The following ANKRD42 variants were observed in gnomAD, a reference collection of about 807,000 sequenced individuals.
ANKRD42 encodes ankyrin repeat domain 42.
A neutral mutation model predicts 51.5 loss-of-function variants in ANKRD42; 43 were observed. The observed-to-expected ratio is 0.83, with a 90% CI of 0.65 to 1.08. The LOEUF (loss-of-function observed/expected upper bound fraction) is 1.08, where lower values mean the gene tolerates loss of function less well. ANKRD42 is among the 50% of genes least tolerant of loss of function. The pLI, the probability that ANKRD42 is intolerant of heterozygous loss-of-function variation, is 0.00. For synonymous variants in ANKRD42, 203 were observed against 213.0 expected, an observed-to-expected ratio of 0.95 and a Z score of 0.41; for missense variants, 608 against 629.3, an observed-to-expected ratio of 0.97 and a Z score of 0.36.
chr11:83,206,453 T>G (rs1862078966), intron 3 of ANKRD42, among the ~76,000 whole-genome samples: 1 of 152,174 alleles, frequency 6.6e-6, no homozygotes. Context: ...GGTCTGAATG[T>G]TTGTGTCCTC....
intron 3 of ANKRD42, chr11:83,209,326 G>A: frequency 1.1e-6 from 1 of 908,550 alleles, no homozygotes; most frequent in Non-Finnish European, 1.8e-6. Context: ...GCCAAAGTGG[G>A]TGGGAGTGCG....
At position 83,248,023 on chromosome 11, in the gene ANKRD42, G is replaced by A. The variant is rs367680833; in HGVS notation, c.1403G>A (p.Arg468Gln). The A allele has an allele frequency of 2.6e-5, 42 of 1,610,804 alleles. No homozygotes were observed. In the African/African-American group the frequency reaches 4.3e-4, roughly 16 times the overall value. ...TTAGAATGTCAGCTTGATGAATATC[G>A]AGCAGAAGTTGATCAACTCAGGGAA... ...EKLECQLDEYRAEVDQLRETL... is the reference protein window; with the variant it reads ...EKLECQLDEYQAEVDQLRETL... The change falls in exon 11 of 11, where the codon CGA becomes CAA. Residue 468 changes from arginine (R) to glutamine (Q), a missense_variant. By Grantham distance (43) the Arg-to-Gln change is conservative (BLOSUM62 1). Coordinates refer to ENST00000533342, the MANE Select transcript of ANKRD42 (RefSeq NM_001300975.2).
At chr11:83,217,433 A>C (rs905322591) in intron 5 of ANKRD42, among the ~76,000 whole-genome samples, 1 of 152,266 alleles carries the variant, frequency 6.6e-6, no homozygotes, top group African/African-American at 2.4e-5. Context: ...GCAACCGAGC[A>C]GGCGAGAGTA....
intron 5 of ANKRD42, among the ~76,000 whole-genome samples, chr11:83,220,856 C>T (rs1862698990): frequency 6.6e-6 from 1 of 151,968 alleles, no homozygotes; most frequent in African/African-American, 2.4e-5. Context: ...TTATTATATG[C>T]CTTGGGTGGT....
At chr11:83,263,292 A>G (rs957389998), downstream of ANKRD42, among the ~76,000 whole-genome samples, 3 of 152,198 alleles carry the variant, frequency 2.0e-5, no homozygotes, top group Non-Finnish European at 2.9e-5. Context: ...ACTCTACTTC[A>G]GTAGAGTATA....
At chr11:83,222,101 T>C (rs1862734479) in intron 5 of ANKRD42, among the ~76,000 whole-genome samples, 1 of 152,234 alleles carries the variant, frequency 6.6e-6, no homozygotes, top group South Asian at 2.1e-4. Context: ...ATTCTCTTAC[T>C]GTCTGCTCTG....
In ANKRD42 at chr11:83,210,288, C is replaced by G. The variant is rs1179486109; in HGVS notation, c.331-12C>G. On this transcript the variant is annotated splice_polypyrimidine_tract_variant and intron_variant, in intron 3 of 10. Transcript: ENST00000533342. ...TACTCATGTAAAGTCTTTCCTATTT[C>G]TCTATTTTTAGGCTCTTATAATGAA... 1.2e-6 allele frequency: 2 copies of G among 1,612,056 alleles called. No individual in the cohort carries two copies. The highest frequency in any genetic ancestry group is 1.7e-6 in the Non-Finnish European group (2 of 1,178,420).
At chr11:83,214,914 C>G (rs1407887455) in intron 5 of ANKRD42, 1 of 152,232 alleles carries the variant, frequency 6.6e-6, no homozygotes, top group African/African-American at 2.4e-5. Flanking sequence ...AATCGCCAAT[C>G]AATCTACTCT....
At chr11:83,207,559 A>ATAGAGG (rs1286016616) in intron 3 of ANKRD42, among the ~76,000 whole-genome samples, 6 of 152,250 alleles carry the variant, frequency 3.9e-5, no homozygotes, top group African/African-American at 1.4e-4. Context: ...AGGAAGTATT[A>ATAGAGG]TAGAGGCAGG....
At chr11:83,210,459 A>G (rs1184470993) in intron 4 of ANKRD42, 40 bp downstream of exon 4, 1 of 1,605,480 alleles carries the variant, frequency 6.2e-7, no homozygotes, top group African/African-American at 1.3e-5. Flanking sequence ...GTGTGATAAT[A>G]TAGATGGAAT....
At chr11:83,221,089 T>G (rs933662080) in intron 5 of ANKRD42, among the ~76,000 whole-genome samples, 1 of 152,222 alleles carries the variant, frequency 6.6e-6, no homozygotes, top group Admixed American at 6.5e-5. Flanking sequence ...CATTTTTTTT[T>G]TCTCCTATGA....
Position 83,194,290 on chromosome 11 carries a change from G to C in ANKRD42, c.-381G>C, listed in dbSNP as rs1257257960. The C allele has an allele frequency of 2.1e-6, 1 of 485,398 alleles. No individual in the cohort carries two copies. The highest frequency in any genetic ancestry group is 4.1e-6 in the Non-Finnish European group (1 of 246,516). 30.1% of individuals were successfully genotyped at this position (485,398 alleles called of 1,614,324 possible). ...TCGGGACCCGCGAACTAGTGACTTC[G>C]GGGATAGAGTCAGTGACGATCGCAG... On this transcript the variant is annotated 5_prime_UTR_variant, in exon 1 of 11. Coordinates refer to ENST00000533342, the MANE Select transcript of ANKRD42 (RefSeq NM_001300975.2).
downstream of ANKRD42, among the ~76,000 whole-genome samples, chr11:83,262,243 T>C (rs1230571803): frequency 6.6e-6 from 1 of 152,162 alleles, no homozygotes; most frequent in Non-Finnish European, 1.5e-5. Context: ...CTAGCATTAT[T>C]GACTACTTTA....
intron 8 of ANKRD42, among the ~76,000 whole-genome samples, chr11:83,240,431 C>T (rs1863351910): frequency 1.3e-5 from 2 of 152,162 alleles, no homozygotes; most frequent in Admixed American, 1.3e-4. Flanking sequence ...GAGGGTGGTT[C>T]TGGGCCTTCT....
intron 3 of ANKRD42, among the ~76,000 whole-genome samples, chr11:83,207,835 T>C (rs868359591): frequency 3.3e-5 from 5 of 152,224 alleles, no homozygotes; most frequent in African/African-American, 1.2e-4. Context: ...TCAGGGGATA[T>C]ACCATTATAT....
chr11:83,239,105 A>C (rs1863311950), intron 8 of ANKRD42, among the ~76,000 whole-genome samples: 1 of 152,164 alleles, frequency 6.6e-6, no homozygotes, highest in Admixed American at 6.5e-5. Flanking sequence ...TTTTAATTCT[A>C]GTAATGAAAT....
chr11:83,233,493 A>C (rs1863140793), intron 7 of ANKRD42, among the ~76,000 whole-genome samples: 1 of 151,888 alleles, frequency 6.6e-6, no homozygotes, highest in Non-Finnish European at 1.5e-5. Context: ...AGTCTGGATA[A>C]AGGTTTGTCC....
Position 83,227,827 on chromosome 11 carries a change from A to G in ANKRD42, c.868A>G (p.Asn290Asp), listed in dbSNP as rs1332039804. The G allele has an allele frequency of 6.2e-7, 1 of 1,613,226 alleles. No individual in the cohort carries two copies. Among genetic ancestry groups the G allele is most frequent in the East Asian group, 2.2e-5 (1 of 44,800 alleles). ...LKKLVEDGVI[N>D]INERADNGST... ...GAAATTAGTGGAAGATGGAGTAATC[A>G]ATATTAATGAGCGTGCTGATAATGG... Residue 290 changes from asparagine (N) to aspartate (D), a missense_variant, in exon 7 of 11, where the codon AAT (asparagine) becomes GAT (aspartate). Coordinates refer to ENST00000533342, the MANE Select transcript of ANKRD42 (RefSeq NM_001300975.2).
Position 83,206,178 on chromosome 11 carries a change from C to CT in ANKRD42, c.330+19dup, listed in dbSNP as rs1213919069. 4 of 1,580,008 alleles carry CT rather than the reference C, an allele frequency of 2.5e-6. No individual in the cohort carries two copies. The highest frequency in any genetic ancestry group is 3.5e-6 in the Non-Finnish European group (4 of 1,151,930). On this transcript the variant is annotated intron_variant, in intron 3 of 10. Transcript: ENST00000533342. Reference sequence around the variant, plus strand: ...TGCTTGTGTACAGGTAATAATATTACTTTTTTCAGTAAGTTCAATTACTTT... The same window carrying CT: ...TGCTTGTGTACAGGTAATAATATTACTTTTTTTCAGTAAGTTCAATTACTTT...
Sources: allele counts gnomAD v4.1 joint callset (sites outside exome capture counted in the v4.1 genomes callset), GRCh38; gene constraint gnomAD v4.1.1; transcripts MANE v1.5; gene names NCBI Gene and HGNC (gene_info 2026-07-23, HGNC 2026-07-21).